GALNT17: variants seen among roughly 807,000 people sequenced by gnomAD.
GALNT17 encodes polypeptide N-acetylgalactosaminyltransferase 17, also known as UDP-GalNAc:polypeptide N-acetylgalactosaminyltransferase-like 3.
In GALNT17, 29 loss-of-function variants were observed where a neutral mutation model predicts 63.7. The ratio of observed to expected loss-of-function variants is 0.46; its 90% CI spans 0.34 to 0.62. The LOEUF (loss-of-function observed/expected upper bound fraction) is 0.62. Among genes scored for constraint, GALNT17 ranks in the 20% least tolerant of loss-of-function variants. The pLI, the probability that GALNT17 is intolerant of heterozygous loss-of-function variation, is 0.01. For synonymous variants in GALNT17, 305 were observed against 318.3 expected (o/e 0.96, Z 0.45); for missense variants, 603 against 799.6 (o/e 0.75, Z 2.97).
rs544107056 is a variant in GALNT17, at chr7:71,456,521, G to C, written c.962+35416G>C. Reference sequence around the variant, plus strand: ...ACCTGAGGTCAGGAGTTTAAGACCAGCCTGGCCAACATAGTGAAACCCTGT... The same window carrying C: ...ACCTGAGGTCAGGAGTTTAAGACCACCCTGGCCAACATAGTGAAACCCTGT... On this transcript the variant is annotated intron_variant, in intron 5 of 10. Transcript: ENST00000333538. Among the ~76,000 whole-genome samples, 3 of 152,190 alleles carry C rather than the reference G, an allele frequency of 2.0e-5. No individual in the cohort carries two copies. In the East Asian group the frequency reaches 5.8e-4, roughly 30 times the overall value.
chr7:71,691,702 G>A (rs1791445078), intron 9 of GALNT17, among the ~76,000 whole-genome samples: 1 of 152,114 alleles, frequency 6.6e-6, no homozygotes, highest in Non-Finnish European at 1.5e-5. Flanking sequence ...ATTCAGGCAG[G>A]TTTTGTGCTC....
intron 1 of GALNT17, among the ~76,000 whole-genome samples, chr7:71,256,982 C>T (rs776960311): frequency 2.0e-5 from 3 of 152,168 alleles, no homozygotes; most frequent in African/African-American, 2.4e-5. Context: ...CTCTCTCTCT[C>T]GCACTCCTAC....
Position 71,712,326 on chromosome 7 carries a change from T to C in GALNT17, c.*180T>C. On this transcript the variant is annotated 3_prime_UTR_variant, in exon 11 of 11. Coordinates refer to ENST00000333538, the MANE Select transcript of GALNT17 (RefSeq NM_022479.3). ...GAAGACTCTGTCCCCCCTCAGGCAT[T>C]CAGCTGCCCACAAGTTTCCTGCACC... The C allele has an allele frequency of 3.0e-6, 2 of 661,430 alleles. No homozygotes were observed. The highest frequency in any genetic ancestry group is 4.8e-6 in the Non-Finnish European group (2 of 419,302). The allele number at this position is 661,430 out of a possible 1,614,324, so 41.0% of individuals were successfully genotyped here.
At chr7:71,586,917 A>G (rs1330099644) in intron 6 of GALNT17, among the ~76,000 whole-genome samples, 3 of 152,184 alleles carry the variant, frequency 2.0e-5, no homozygotes, top group African/African-American at 7.2e-5. Context: ...ATGGTATACA[A>G]TATTCACCCT....
chr7:71,476,930 C>T (rs115348690), intron 5 of GALNT17, among the ~76,000 whole-genome samples: 2,989 of 152,096 alleles, frequency 0.02, 42 homozygotes, highest in African/African-American at 0.03. Context: ...TAGGGGGAGG[C>T]GCCAGGAGCC....
chr7:71,551,293 C>A (rs559933102), intron 5 of GALNT17, among the ~76,000 whole-genome samples: 94 of 152,248 alleles, frequency 6.2e-4, no homozygotes, highest in African/African-American at 2.1e-3. Context: ...AGATTTTTCT[C>A]TTTTTCCTTT....
chr7:71,368,922 G>C lies in GALNT17; in HGVS notation c.423-19313G>C, dbSNP rs59093477. Among the ~76,000 whole-genome samples the C allele has an allele frequency of 4.7e-4, 38 of 80,558 alleles. 1 individual carries two copies. Among genetic ancestry groups the C allele is most frequent in the African/African-American group, 1.9e-3 (35 of 18,346 alleles). 52.8% of individuals were successfully genotyped at this position (80,558 alleles called of 152,430 possible). On this transcript the variant is annotated intron_variant, in intron 2 of 10. Coordinates refer to ENST00000333538, the MANE Select transcript of GALNT17 (RefSeq NM_022479.3). ...TATACTGCCCAGTTTCCTCGGGGGT[G>C]GGGGGGGGTGTTCCTCTCTCCTAGC...
intron 6 of GALNT17, among the ~76,000 whole-genome samples, chr7:71,625,559 G>T (rs1584098015): frequency 6.6e-6 from 1 of 152,084 alleles, no homozygotes; most frequent in Admixed American, 6.6e-5. Flanking sequence ...TTTTTGTTGG[G>T]GGTGGGGTGA....
intron 5 of GALNT17, among the ~76,000 whole-genome samples, chr7:71,520,727 C>T (rs189814904): frequency 1.3e-5 from 2 of 151,906 alleles, no homozygotes; most frequent in African/African-American, 2.4e-5. Flanking sequence ...TCAGTGTGGT[C>T]GTTGGAAAGA....
At chr7:71,134,025 A>G (rs1221456797) in intron 1 of GALNT17, among the ~76,000 whole-genome samples, 2 of 152,386 alleles carry the variant, frequency 1.3e-5, no homozygotes, top group Non-Finnish European at 2.9e-5. Context: ...AGATGCGTGC[A>G]AAGACATTAC....
intron 6 of GALNT17, among the ~76,000 whole-genome samples, chr7:71,599,529 A>G (rs1789934601): frequency 6.6e-6 from 1 of 151,830 alleles, no homozygotes; most frequent in Non-Finnish European, 1.5e-5. Context: ...CCTTCCCTCT[A>G]CTGGAGCAGC....
At chr7:71,366,249 GGC>G (rs1250971222) in intron 2 of GALNT17, among the ~76,000 whole-genome samples, 1 of 152,006 alleles carries the variant, frequency 6.6e-6, no homozygotes, top group Non-Finnish European at 1.5e-5. Flanking sequence ...ATTGTTCCGA[GGC>G]CTAGGGGTTG....
chr7:71,548,942 G>A (rs1305664288), intron 5 of GALNT17, among the ~76,000 whole-genome samples: 1 of 152,066 alleles, frequency 6.6e-6, no homozygotes, highest in Non-Finnish European at 1.5e-5. Context: ...TGTGGTTTAC[G>A]TCACTGAGCC....
chr7:71,659,726 A>G (rs73187202), intron 6 of GALNT17, among the ~76,000 whole-genome samples: 1,816 of 152,326 alleles, frequency 0.012, 14 homozygotes, highest in Non-Finnish European at 0.019. Context: ...AATAAGTCAC[A>G]TTGCCAAGGA....
intron 5 of GALNT17, among the ~76,000 whole-genome samples, chr7:71,428,777 G>T (rs1054727440): frequency 1.3e-5 from 2 of 152,168 alleles, no homozygotes; most frequent in Admixed American, 1.3e-4. Context: ...CATTCCTTCT[G>T]CAGGTTCCAT....
At chr7:71,629,328 G>A (rs1790423257) in intron 6 of GALNT17, among the ~76,000 whole-genome samples, 1 of 152,144 alleles carries the variant, frequency 6.6e-6, no homozygotes, top group Non-Finnish European at 1.5e-5. Flanking sequence ...TAATAACCAA[G>A]TGGAGCTTCA....
intron 5 of GALNT17, among the ~76,000 whole-genome samples, chr7:71,430,056 A>G (rs1233053229): frequency 6.6e-6 from 1 of 152,130 alleles, no homozygotes. Context: ...TATGTTGCCC[A>G]GGCTGGTCTT....
At chr7:71,562,090 G>A (rs1789265942) in intron 5 of GALNT17, among the ~76,000 whole-genome samples, 1 of 151,972 alleles carries the variant, frequency 6.6e-6, no homozygotes, top group Admixed American at 6.6e-5. Context: ...CAAGTAACTG[G>A]GAATACAGGT....
rs557102482 is a variant in GALNT17, at chr7:71,303,182, GT to G, written c.239-32366del. On this transcript the variant is annotated intron_variant, in intron 1 of 10. Transcript: ENST00000333538. The stretch of plus-strand genomic sequence containing the variant: ...CCAGCCTTTTTTTTTTTTGAGACAG[GT>G]TCTCGCTGTGTTGCCCAGGCTGGAG... 6.0e-5 allele frequency among the ~76,000 whole-genome samples: 9 copies of G among 150,268 alleles called. No homozygotes were observed. In the South Asian group the frequency reaches 1.9e-3, roughly 32 times the overall value.
Sources: gnomAD v4.1 joint callset for allele counts (sites outside exome capture counted in the v4.1 genomes callset) on GRCh38, gnomAD v4.1.1 for gene constraint, MANE v1.5 for transcripts, NCBI Gene and HGNC (gene_info 2026-07-23, HGNC 2026-07-21) for gene names.